Variants in RAD52 observed in about 807,000 individuals in gnomAD.
RAD52 encodes the protein DNA repair protein RAD52 homolog.
In RAD52, 47 loss-of-function variants were observed where a neutral mutation model predicts 55.5. That is an observed-to-expected ratio of 0.85 (90% CI 0.67 to 1.08). The LOEUF is 1.08. Among genes scored for constraint, RAD52 ranks in the 50% least tolerant of loss-of-function variants. The pLI, the probability that RAD52 is intolerant of heterozygous loss-of-function variation, is 0.00. For missense variants in RAD52, 468 were observed against 522.8 expected, an observed-to-expected ratio of 0.90 and a Z score of 1.02; for synonymous variants, 184 against 198.9, an observed-to-expected ratio of 0.92 and a Z score of 0.63.
chr12:952,625 C>T (rs1958543681), upstream of RAD52, among the ~76,000 whole-genome samples: 2 of 151,744 alleles, frequency 1.3e-5, no homozygotes, highest in South Asian at 2.1e-4. Context: ...GGTTCGGTGC[C>T]TCACACCTCC....
chr12:916,753 C>T lies in RAD52; in HGVS notation c.611G>A (p.Arg204Lys), dbSNP rs1219256083. The change falls in exon 8 of 12, where the codon AGA (arginine) becomes AAA (lysine). Residue 204 changes from arginine (R) to lysine (K), a missense_variant. Physicochemically the swap from Arg to Lys is conservative, Grantham distance 26. Transcript: ENST00000358495. Reference protein sequence around the residue: ...QDLEPSVEEARYNSCRPNMAL... With the variant: ...QDLEPSVEEAKYNSCRPNMAL... ...CATGTTCGGTCGGCAGCTGTTGTAT[C>T]TTGCCTCCTCCACAGACGGTTCAAG... The T allele has an allele frequency of 1.2e-6, 2 of 1,614,210 alleles. No individual in the cohort carries two copies. Among genetic ancestry groups the T allele is most frequent in the East Asian group, 2.2e-5 (1 of 44,882 alleles).
chr12:914,055 G>A lies in RAD52; in HGVS notation c.1034C>T (p.Pro345Leu), dbSNP rs781613834. ...CTGGGCTGGGTCTGCTCTAGACGAG[G>A]GCTTGACCACACCATCCCCTGCATC... is the stretch of plus-strand genomic sequence containing the variant. ...TPDAGDGVVKPSSRADPAQTS... is the reference protein window; with the variant it reads ...TPDAGDGVVKLSSRADPAQTS... The change falls in exon 11 of 12, where the codon CCC (proline) becomes CTC (leucine). Residue 345 changes from proline to leucine, a missense_variant. Coordinates refer to ENST00000358495, the MANE Select transcript of RAD52 (RefSeq NM_134424.4). The A allele has an allele frequency of 5.0e-6, 8 of 1,614,082 alleles. No individual in the cohort carries two copies. Among genetic ancestry groups the A allele is most frequent in the Non-Finnish European group, 6.8e-6 (8 of 1,180,022 alleles).
intron 1 of RAD52, among the ~76,000 whole-genome samples, chr12:960,722 C>T (rs903945050): frequency 1.3e-5 from 2 of 152,134 alleles, no homozygotes; most frequent in African/African-American, 4.8e-5. Flanking sequence ...CCTTCTTAGC[C>T]TCCCAAAGTG....
chr12:953,254 A>T (rs1958560110), upstream of RAD52, among the ~76,000 whole-genome samples: 1 of 151,716 alleles, frequency 6.6e-6, no homozygotes, highest in Non-Finnish European at 1.5e-5. Flanking sequence ...CAGTGAGCCA[A>T]GATTGTGCCA....
At chr12:917,184 C>T (rs1295167636) in intron 7 of RAD52, among the ~76,000 whole-genome samples, 1 of 152,198 alleles carries the variant, frequency 6.6e-6, no homozygotes, top group African/African-American at 2.4e-5. Context: ...CTGCCAGGGC[C>T]ACCCCTGCAA....
At chr12:949,463 G>T (rs1273012307) in intron 1 of RAD52, 139 bp downstream of exon 1, 1 of 152,224 alleles carries the variant, frequency 6.6e-6, no homozygotes, top group African/African-American at 2.4e-5. Context: ...CAGGCCTCTG[G>T]ACTCAGCATC....
At chr12:916,844 A>C (rs781434360) in intron 7 of RAD52, 24 bp from the exon 8 acceptor site, 1 of 1,587,506 alleles carries the variant, frequency 6.3e-7, no homozygotes. Context: ...AGAAAAACAA[A>C]TTCCTTCAAC....
chr12:929,201 C>A (rs959081079), intron 5 of RAD52, among the ~76,000 whole-genome samples: 1 of 151,842 alleles, frequency 6.6e-6, no homozygotes, highest in African/African-American at 2.4e-5. Flanking sequence ...AGGATTAAAA[C>A]CAGTGGGGAA....
chr12:965,267 G>A (rs1359389883), intron 1 of RAD52, among the ~76,000 whole-genome samples: 5 of 151,992 alleles, frequency 3.3e-5, no homozygotes, highest in African/African-American at 1.2e-4. Flanking sequence ...GTGAGCCACT[G>A]TGCCCGGCCA....
At position 913,055 on chromosome 12, in the gene RAD52, A is replaced by G. The variant is rs1956180546; in HGVS notation, c.*336T>C. On this transcript the variant is annotated 3_prime_UTR_variant, in exon 12 of 12. Transcript: ENST00000358495. Reference sequence around the variant, plus strand: ...GTGCTTAGGACCAAGTCTGGCCTATATTGCTTGAGGGCAAGGAGCCATTGG... The same window carrying G: ...GTGCTTAGGACCAAGTCTGGCCTATGTTGCTTGAGGGCAAGGAGCCATTGG... 9.2e-6 allele frequency: 2 copies of G among 217,946 alleles called. No homozygotes were observed. The highest frequency in any genetic ancestry group is 6.7e-5 in the East Asian group (1 of 15,026). 13.5% of individuals were successfully genotyped at this position (217,946 alleles called of 1,614,324 possible). A position where few individuals can be genotyped will look rare whatever the true frequency, so the allele number is the denominator to read the frequency against.
chr12:929,575 C>T (rs1592370192), intron 5 of RAD52: 3 of 714,732 alleles, frequency 4.2e-6, no homozygotes, highest in South Asian at 1.5e-5. Flanking sequence ...ACATCCTTTG[C>T]AACAATTTTT....
chr12:930,514 G>A (rs1050513102), intron 3 of RAD52, among the ~76,000 whole-genome samples: 3 of 151,940 alleles, frequency 2.0e-5, no homozygotes, highest in Non-Finnish European at 4.4e-5. Context: ...TTTGCAAAAA[G>A]TACAAATCTG....
chr12:970,318 CAAAAAAA>C (rs4017793), intron 1 of RAD52, among the ~76,000 whole-genome samples: 30 of 67,180 alleles, frequency 4.5e-4, no homozygotes, highest in African/African-American at 1.7e-3. Context: ...GACATCATCT[CAAAAAAA>C]AAAAAAAAAA....
chr12:978,398 A>G (rs1386588518), intron 1 of RAD52, among the ~76,000 whole-genome samples: 1 of 152,244 alleles, frequency 6.6e-6, no homozygotes, highest in Non-Finnish European at 1.5e-5. Flanking sequence ...TGCAGTCAGA[A>G]TACTATGTTC....
rs751632769 is a variant in RAD52, at chr12:939,087, G to GTGTGT, written c.-18-6012_-18-6011insACACA. ...GTGTGTGTGTGTGTGTGTGTGTGTA[G>GTGTGT]AGAGAGAGAAAAAGGCAAGTAGATA... On this transcript the variant is annotated intron_variant, in intron 1 of 11. Transcript: ENST00000358495. Among the ~76,000 whole-genome samples the GTGTGT allele has an allele frequency of 2.5e-3, 154 of 61,832 alleles. No homozygotes were observed. In the South Asian group the frequency reaches 0.04, roughly 16 times the overall value. The allele number at this position is 61,832 out of a possible 152,430, so 40.6% of individuals were successfully genotyped here. A position where few individuals can be genotyped will look rare whatever the true frequency, so the allele number is the denominator to read the frequency against.
chr12:958,245 C>T (rs1324899605), intron 1 of RAD52, among the ~76,000 whole-genome samples: 5 of 152,092 alleles, frequency 3.3e-5, no homozygotes, highest in African/African-American at 4.8e-5. Context: ...GACAGGGTTT[C>T]GCTTTTGTCG....
chr12:943,792 G>GT (rs760261022), intron 1 of RAD52, among the ~76,000 whole-genome samples: 76 of 97,244 alleles, frequency 7.8e-4, no homozygotes, highest in Admixed American at 2.8e-3. Context: ...TTTTTTTTGG[G>GT]TTTTTTTTGC....
rs1051110898 is a variant in RAD52 at position 912,016 on chromosome 12, C to T, written c.*1375G>A. 2.1e-5 allele frequency: 2 copies of T among 97,492 alleles called. No individual in the cohort carries two copies. Among genetic ancestry groups the T allele is most frequent in the Non-Finnish European group, 2.0e-5 (1 of 50,810 alleles). The allele number at this position is 97,492 out of a possible 1,614,324, so 6.0% of individuals were successfully genotyped here. ...TCCAGCCTGCGCTACAGAGCCAGAC[C>T]CCCCCTCTCAAAAAAAAAGTTGTTA... On this transcript the variant is annotated 3_prime_UTR_variant, in exon 12 of 12. Transcript: ENST00000358495.
intron 1 of RAD52, among the ~76,000 whole-genome samples, chr12:933,852 T>C (rs1957466583): frequency 6.6e-6 from 1 of 152,120 alleles, no homozygotes; most frequent in African/African-American, 2.4e-5. Flanking sequence ...CCAGGCATGG[T>C]GGCTCAAACC....
Sources: gnomAD v4.1 joint callset for allele counts (sites outside exome capture counted in the v4.1 genomes callset) on GRCh38, gnomAD v4.1.1 for gene constraint, MANE v1.5 for transcripts, NCBI Gene and HGNC (gene_info 2026-07-23, HGNC 2026-07-21) for gene names.